Variants in GALNTL6 observed in about 807,000 individuals in gnomAD.
GALNTL6 encodes the protein polypeptide N-acetylgalactosaminyltransferase like 6, also known as polypeptide N-acetylgalactosaminyltransferase-like 6.
In GALNTL6, 46 loss-of-function variants were observed where a neutral mutation model predicts 73.7. That is an observed-to-expected ratio of 0.62 (90% CI 0.49 to 0.80). GALNTL6 has a LOEUF of 0.80. GALNTL6 is among the 30% of genes least tolerant of loss of function. GALNTL6 has a pLI of 0.00. For synonymous variants in GALNTL6, 259 were observed against 263.7 expected, an observed-to-expected ratio of 0.98 and a Z score of 0.17; for missense variants, 604 against 755.0, an observed-to-expected ratio of 0.80 and a Z score of 2.34.
At chr4:172,131,638 T>G (rs181069491) in intron 2 of GALNTL6, among the ~76,000 whole-genome samples, 1 of 151,790 alleles carries the variant, frequency 6.6e-6, no homozygotes, top group Non-Finnish European at 1.5e-5. Context: ...GAATGCAAAA[T>G]CTGCTTCATT....
intron 4 of GALNTL6, among the ~76,000 whole-genome samples, chr4:172,321,237 G>GTGGGGGT (rs1740747493): frequency 2.0e-5 from 3 of 152,144 alleles, no homozygotes; most frequent in Admixed American, 1.3e-4. Flanking sequence ...CCCCATGGAT[G>GTGGGGGT]TGGGGGTTGG....
intron 2 of GALNTL6, among the ~76,000 whole-genome samples, chr4:171,943,366 A>G (rs1302915457): frequency 6.6e-6 from 1 of 152,182 alleles, no homozygotes. Flanking sequence ...TCAAATTTTC[A>G]TGCATTTATT....
chr4:172,265,012 G>C (rs1360246978), intron 3 of GALNTL6, among the ~76,000 whole-genome samples: 2 of 151,744 alleles, frequency 1.3e-5, no homozygotes, highest in East Asian at 3.9e-4. Flanking sequence ...TGGTATTGTT[G>C]TTAGTGATAA....
chr4:172,347,455 G>A lies in GALNTL6; in HGVS notation c.387-1068G>A, dbSNP rs78791151. Among the ~76,000 whole-genome samples the A allele has an allele frequency of 3.2e-4, 49 of 152,242 alleles. No homozygotes were observed. In the East Asian group the frequency reaches 8.7e-3, roughly 27 times the overall value. ...TGAAGTGTAATGGTTCTCACAAGTA[G>A]GTGCAACATTCTGAATATTGATGTA... On this transcript the variant is annotated intron_variant, in intron 4 of 12. Transcript: ENST00000506823.
At chr4:172,817,462 G>C (rs1299392826) in intron 7 of GALNTL6, among the ~76,000 whole-genome samples, 2 of 152,058 alleles carry the variant, frequency 1.3e-5, no homozygotes, top group East Asian at 1.9e-4. Flanking sequence ...GAAATATTTT[G>C]GGTTATTATT....
intron 2 of GALNTL6, among the ~76,000 whole-genome samples, chr4:172,175,954 A>G (rs1302994081): frequency 1.3e-5 from 2 of 152,214 alleles, no homozygotes; most frequent in Non-Finnish European, 2.9e-5. Flanking sequence ...ATAAAAATCA[A>G]TATGAATAAA....
chr4:172,084,401 T>C (rs1731967106), intron 2 of GALNTL6, among the ~76,000 whole-genome samples: 1 of 152,146 alleles, frequency 6.6e-6, no homozygotes, highest in Non-Finnish European at 1.5e-5. Flanking sequence ...GCAACATAAC[T>C]GGAACAAGAA....
chr4:172,849,297 A>C (rs1743684936), intron 7 of GALNTL6, among the ~76,000 whole-genome samples: 1 of 152,202 alleles, frequency 6.6e-6, no homozygotes, highest in African/African-American at 2.4e-5. Flanking sequence ...ATATTGAACA[A>C]GACACTAGCT....
chr4:172,256,680 C>G (rs531669941), intron 3 of GALNTL6, among the ~76,000 whole-genome samples: 1 of 151,286 alleles, frequency 6.6e-6, no homozygotes, highest in East Asian at 1.9e-4. Context: ...GAATATTTTC[C>G]CCAGTCTTCC....
chr4:171,963,969 C>A (rs1739308275), intron 2 of GALNTL6, among the ~76,000 whole-genome samples: 1 of 152,124 alleles, frequency 6.6e-6, no homozygotes, highest in South Asian at 2.1e-4. Flanking sequence ...AAGATAATGT[C>A]TTCCTCCAAG....
At chr4:172,539,476 G>A (rs1735471346) in intron 5 of GALNTL6, among the ~76,000 whole-genome samples, 1 of 152,088 alleles carries the variant, frequency 6.6e-6, no homozygotes, top group South Asian at 2.1e-4. Flanking sequence ...CTGAAGGGGG[G>A]AAGATATGTC....
intron 5 of GALNTL6, among the ~76,000 whole-genome samples, chr4:172,490,496 A>C (rs937219524): frequency 6.6e-6 from 1 of 152,194 alleles, no homozygotes; most frequent in Non-Finnish European, 1.5e-5. Flanking sequence ...TTCATATTAC[A>C]TATTAGTTTC....
chr4:172,387,847 T>A (rs1027281457), intron 5 of GALNTL6, among the ~76,000 whole-genome samples: 1 of 152,136 alleles, frequency 6.6e-6, no homozygotes, highest in South Asian at 2.1e-4. Flanking sequence ...CCTGCCTCTG[T>A]TTTTTTGCTC....
intron 8 of GALNTL6, among the ~76,000 whole-genome samples, chr4:172,921,430 T>C (rs1747783805): frequency 6.6e-6 from 1 of 152,190 alleles, no homozygotes; most frequent in Non-Finnish European, 1.5e-5. Context: ...TTGTGGCTGA[T>C]ATAGAAAATT....
At chr4:172,514,436 C>T (rs1266884141) in intron 5 of GALNTL6, among the ~76,000 whole-genome samples, 2 of 152,178 alleles carry the variant, frequency 1.3e-5, no homozygotes, top group Non-Finnish European at 2.9e-5. Context: ...CTGTGCCCCT[C>T]CAGCAGCACT....
chr4:172,606,524 C>A (rs1738268699), intron 5 of GALNTL6, among the ~76,000 whole-genome samples: 1 of 137,350 alleles, frequency 7.3e-6, no homozygotes, highest in African/African-American at 2.9e-5. Flanking sequence ...AATGAGTGAG[C>A]AGAACATGGA....
chr4:172,469,000 C>T (rs1487703371), intron 5 of GALNTL6, among the ~76,000 whole-genome samples: 2 of 152,092 alleles, frequency 1.3e-5, no homozygotes, highest in Non-Finnish European at 2.9e-5. Flanking sequence ...GAGACTTAAT[C>T]CTAAGAATGG....
At chr4:172,749,152 A>G (rs1737283842) in intron 5 of GALNTL6, among the ~76,000 whole-genome samples, 1 of 152,006 alleles carries the variant, frequency 6.6e-6, no homozygotes, top group African/African-American at 2.4e-5. Context: ...CAAACTATAC[A>G]ATTATTATTT....
intron 2 of GALNTL6, among the ~76,000 whole-genome samples, chr4:171,967,084 A>G (rs532518338): frequency 6.6e-6 from 1 of 152,344 alleles, no homozygotes; most frequent in African/African-American, 2.4e-5. Flanking sequence ...ACCTCCAAGT[A>G]TATTTCAAAA....
Sources: allele counts gnomAD v4.1 joint callset (sites outside exome capture counted in the v4.1 genomes callset), GRCh38; gene constraint gnomAD v4.1.1; transcripts MANE v1.5; gene names NCBI Gene and HGNC (gene_info 2026-07-23, HGNC 2026-07-21).